The following DFFA variants were observed in gnomAD, a reference collection of about 807,000 sequenced individuals.
DFFA encodes DNA fragmentation factor subunit alpha.
In DFFA, 14 loss-of-function variants were observed where a neutral mutation model predicts 28.0. The observed-to-expected ratio is 0.50, with a 90% CI of 0.33 to 0.78. DFFA has a LOEUF of 0.78. DFFA is among the 30% of genes least tolerant of loss of function. The pLI, the probability that DFFA is intolerant of heterozygous loss-of-function variation, is 0.02. For missense variants in DFFA, 395 were observed against 407.1 expected (o/e 0.97, Z 0.26); for synonymous variants, 158 against 170.3 (o/e 0.93, Z 0.56).
intron 2 of DFFA, among the ~76,000 whole-genome samples, chr1:10,468,773 C>T (rs1302097759): frequency 1.3e-5 from 2 of 149,766 alleles, no homozygotes; most frequent in Admixed American, 6.7e-5. Flanking sequence ...GAGTCTCGTT[C>T]TGTCGCCCAG....
intron 3 of DFFA, among the ~76,000 whole-genome samples, chr1:10,464,582 G>A (rs115734208): frequency 0.012 from 1,776 of 152,116 alleles, 33 homozygotes; most frequent in African/African-American, 0.04. Context: ...AGGCATGGTG[G>A]AGTACGCCTG....
intron 1 of DFFA, among the ~76,000 whole-genome samples, chr1:10,469,931 T>G (rs537324243): frequency 1.1e-4 from 16 of 151,974 alleles, no homozygotes; most frequent in African/African-American, 3.9e-4. Flanking sequence ...ACTCTCTGCC[T>G]TAGTCTCCCG....
rs567115253 is a variant in DFFA, at chr1:10,468,116, C to A, written c.299-784G>T. On this transcript the variant is annotated intron_variant, in intron 2 of 5. Coordinates refer to ENST00000377038, the MANE Select transcript of DFFA (RefSeq NM_004401.3). ...GGATGACTTCCTCAATTTTGTGGCA[C>A]ACTTCAGGACACTTTTTTTTTTTTT... 2.7e-5 allele frequency among the ~76,000 whole-genome samples: 3 copies of A among 111,566 alleles called. No homozygotes were observed. The Admixed American group carries it at 3.1e-4, about 11-fold the overall frequency. The allele number at this position is 111,566 out of a possible 152,430, so 73.2% of individuals were successfully genotyped here.
Position 10,469,206 on chromosome 1 carries a change from C to T in DFFA, c.269G>A (p.Ser90Asn). The change falls in exon 2 of 6, where the codon AGT becomes AAT. Residue 90 changes from serine (S) to asparagine (N), a missense_variant. Coordinates refer to ENST00000377038, the MANE Select transcript of DFFA (RefSeq NM_004401.3). ...PSNTKFVALA[S>N]NEKWAYNNSD... ...ATTGTTGTATGCCCATTTCTCATTACTAGCCAATGCCACAAACTTAGTATT... is the reference window on the plus strand; with the variant it reads ...ATTGTTGTATGCCCATTTCTCATTATTAGCCAATGCCACAAACTTAGTATT... The T allele has an allele frequency of 1.2e-6, 2 of 1,614,214 alleles. No individual in the cohort carries two copies. Among genetic ancestry groups the T allele is most frequent in the East Asian group, 2.2e-5 (1 of 44,882 alleles).
In DFFA at chr1:10,463,142, CGAG is replaced by C. The variant is rs1557793160; in HGVS notation, c.696_698del (p.Ser233del). The C allele has an allele frequency of 1.2e-6, 2 of 1,614,130 alleles. No homozygotes were observed. Among genetic ancestry groups the C allele is most frequent in the Non-Finnish European group, 1.7e-6 (2 of 1,180,032 alleles). ...GGATGTGGCTCGCCAGCGCAACGTCCGAGGAGGTCTCTCTGCTGATACCCGTGT... is the reference window on the plus strand; with the variant it reads ...GGATGTGGCTCGCCAGCGCAACGTCCGAGGTCTCTCTGCTGATACCCGTGT... On this transcript the variant is annotated inframe_deletion, in exon 5 of 6. Coordinates refer to ENST00000377038, the MANE Select transcript of DFFA (RefSeq NM_004401.3).
At chr1:10,462,268 G>T in intron 5 of DFFA, 1 of 226,188 alleles carries the variant, frequency 4.4e-6, no homozygotes, top group East Asian at 1.8e-4. Context: ...TGATTCTCTT[G>T]CTTCAGCCTC....
At chr1:10,462,368 G>A (rs1046213170) in intron 5 of DFFA, 11 of 942,180 alleles carry the variant, frequency 1.2e-5, no homozygotes, top group Non-Finnish European at 1.4e-5. Context: ...CTGACCTCAG[G>A]TGATCCACCT....
chr1:10,462,603 T>C (rs2124339515), intron 5 of DFFA: 1 of 1,006,004 alleles, frequency 9.9e-7, no homozygotes. Flanking sequence ...GGACAATGAA[T>C]CAGAAGTAGC....
rs1253887402 is a variant in DFFA at position 10,458,390 on chromosome 1, G to A, written c.*3100C>T. On this transcript the variant is annotated 3_prime_UTR_variant, in exon 6 of 6. Transcript: ENST00000377038. ...ATAAGCTATAAAAAAGGAAATGTTG[G>A]GGTGAGAGCCAATGGAGGGCATTAG... 6.6e-6 allele frequency: 1 copy of A among 152,114 alleles called. No homozygotes were observed. The highest frequency in any genetic ancestry group is 1.5e-5 in the Non-Finnish European group (1 of 68,040). The allele number at this position is 152,114 out of a possible 1,614,324, so 9.4% of individuals were successfully genotyped here. A position where few individuals can be genotyped will look rare whatever the true frequency, so the allele number is the denominator to read the frequency against.
At chr1:10,466,817 T>G (rs1055057622) in intron 3 of DFFA, among the ~76,000 whole-genome samples, 1 of 151,712 alleles carries the variant, frequency 6.6e-6, no homozygotes, top group Non-Finnish European at 1.5e-5. Flanking sequence ...GCCAGGCGTG[T>G]TGGTGTGCAC....
chr1:10,469,455 T>C, intron 1 of DFFA, 117 bp from the exon 2 acceptor site: 1 of 814,386 alleles, frequency 1.2e-6, no homozygotes, highest in East Asian at 2.7e-5. Context: ...AGGTAATAAC[T>C]AGAATCACAA....
rs2124335293 is a variant in DFFA at position 10,460,261 on chromosome 1, A to G, written c.*1229T>C. ...CTCTGTCTCAAAAAAACAAAACAAA[A>G]CTTTTTTTTTTTCTTGAGATACGGA... On this transcript the variant is annotated 3_prime_UTR_variant, in exon 6 of 6. Transcript: ENST00000377038. 6.8e-6 allele frequency: 1 copy of G among 148,094 alleles called. No homozygotes were observed. The highest frequency in any genetic ancestry group is 2.2e-4 in the South Asian group (1 of 4,620). 9.2% of individuals were successfully genotyped at this position (148,094 alleles called of 1,614,324 possible).
intron 3 of DFFA, among the ~76,000 whole-genome samples, chr1:10,464,229 A>T (rs1347961279): frequency 6.6e-6 from 1 of 151,718 alleles, no homozygotes; most frequent in Non-Finnish European, 1.5e-5. Context: ...AGCAGCTGGT[A>T]CTACAGGTGC....
intron 1 of DFFA, among the ~76,000 whole-genome samples, chr1:10,471,572 C>G (rs1641099353): frequency 6.6e-6 from 1 of 152,132 alleles, no homozygotes; most frequent in South Asian, 2.1e-4. Context: ...AGCAACTGTG[C>G]CCTCTGACAC....
At chr1:10,469,048 G>A in intron 2 of DFFA, 129 bp downstream of exon 2, 1 of 990,682 alleles carries the variant, frequency 1.0e-6, no homozygotes, top group Non-Finnish European at 1.5e-6. Context: ...CACATAGAAA[G>A]TGCTCAGTAA....
intron 2 of DFFA, among the ~76,000 whole-genome samples, chr1:10,467,934 G>A (rs1373288381): frequency 3.3e-5 from 5 of 152,172 alleles, no homozygotes; most frequent in Non-Finnish European, 7.3e-5. Flanking sequence ...GTTTCTGTGT[G>A]TCCAGGTGTG....
intron 3 of DFFA, among the ~76,000 whole-genome samples, chr1:10,465,689 CTTTATTTATTTA>C (rs1227656729): frequency 1.3e-5 from 2 of 151,972 alleles, no homozygotes; most frequent in Non-Finnish European, 2.9e-5. Flanking sequence ...CCACGCCTGG[CTTTATTTATTTA>C]TTTATTTATT....
At position 10,467,213 on chromosome 1, in the gene DFFA, G is replaced by T; in HGVS notation, c.418C>A (p.Leu140Ile). The T allele has an allele frequency of 6.2e-7, 1 of 1,614,124 alleles. No homozygotes were observed. Among genetic ancestry groups the T allele is most frequent in the Non-Finnish European group, 8.5e-7 (1 of 1,180,036 alleles). The change falls in exon 3 of 6, where the codon CTC becomes ATC. Residue 140 changes from leucine (L) to isoleucine (I), a missense_variant. By Grantham distance (5) the Leu-to-Ile change is conservative. Transcript: ENST00000377038. ...QLKEDLSSII[L>I]LSEEDLQMLV... ...ACCTGGAGGTCCTCCTCTGATAGGAGGATGATGCTGGACAGATCTTCTTTC... is the reference window on the plus strand; with the variant it reads ...ACCTGGAGGTCCTCCTCTGATAGGATGATGATGCTGGACAGATCTTCTTTC...
At position 10,469,247 on chromosome 1, in the gene DFFA, A is replaced by AAAGT. The variant is rs766024087; in HGVS notation, c.224_227dup (p.Phe76LeufsTer10). 6.2e-6 allele frequency: 10 copies of AAAGT among 1,614,222 alleles called. No individual in the cohort carries two copies. The South Asian group carries it at 9.9e-5, about 16-fold the overall frequency. On this transcript the variant is annotated frameshift_variant, in exon 2 of 6. Transcript: ENST00000377038. LOFTEE classifies it high-confidence loss of function. Reference sequence around the variant, plus strand: ...ACTTAGTATTGGAAGGTAGACACAGAAAGTAATCGTCATCATCCACTATGG... The same window carrying AAAGT: ...ACTTAGTATTGGAAGGTAGACACAGAAAGTAAGTAATCGTCATCATCCACTATGG...
Sources: allele counts gnomAD v4.1 joint callset (sites outside exome capture counted in the v4.1 genomes callset), GRCh38; gene constraint gnomAD v4.1.1; transcripts MANE v1.5; gene names NCBI Gene and HGNC (gene_info 2026-07-23, HGNC 2026-07-21).